RPL13: variants seen among roughly 807,000 people sequenced by gnomAD.
RPL13 encodes the protein large ribosomal subunit protein eL13.
Under a neutral mutation model 21.4 loss-of-function variants are expected in RPL13, and 1 was observed. That is an observed-to-expected ratio of 0.05 (90% CI 0.02 to 0.22). The LOEUF is 0.22. RPL13 is among the 10% of genes least tolerant of loss of function. The pLI is 1.00. For synonymous variants in RPL13, 143 were observed against 120.5 expected, an observed-to-expected ratio of 1.19 and a Z score of -1.23; for missense variants, 289 against 303.0, an observed-to-expected ratio of 0.95 and a Z score of 0.34.
At chr16:89,566,622 C>G (rs2058793548), downstream of RPL13, 1 of 151,688 alleles carries the variant, frequency 6.6e-6, no homozygotes, top group Admixed American at 6.6e-5. Context: ...CGAGATCGCT[C>G]CACTGTCCTC....
At chr16:89,562,607 T>A (rs895697645) in intron 5 of RPL13, 3 of 592,636 alleles carry the variant, frequency 5.1e-6, no homozygotes, top group Non-Finnish European at 5.8e-6. Context: ...TTTGTGTTTT[T>A]TTGTTGTTGT....
Position 89,562,884 on chromosome 16 carries a change from G to T in RPL13, c.478G>T (p.Val160Phe). 1 of 1,563,822 alleles carries T rather than the reference G, an allele frequency of 6.4e-7. No individual in the cohort carries two copies. The highest frequency in any genetic ancestry group is 8.6e-7 in the Non-Finnish European group (1 of 1,158,968). Residue 160 changes from valine to phenylalanine, a missense_variant and splice_region_variant, in exon 6 of 6, where the codon GTC becomes TTC. Val to Phe is a conservative substitution (Grantham distance 50). Transcript: ENST00000311528. ...TTAACAACCTGTCTTTCTCTTCTAG[G>T]TCTATAAGAAGGAGAAAGCTCGAGT... ...LTGPVMPVRN[V>F]YKKEKARVIT... is the part of the protein sequence containing the mutation.
At chr16:89,565,321 TG>T (rs2058778998), downstream of RPL13, 1 of 140,586 alleles carries the variant, frequency 7.1e-6, no homozygotes, top group African/African-American at 2.5e-5. Flanking sequence ...GGCTGCCTGC[TG>T]CCTGCTGCTC....
chr16:89,562,022 C>G, intron 4 of RPL13: 1 of 589,118 alleles, frequency 1.7e-6, no homozygotes, highest in Non-Finnish European at 3.0e-6. Context: ...CTAGAAAGAC[C>G]TTGTAGGATA....
At position 89,561,859 on chromosome 16, in the gene RPL13, C is replaced by T. The variant is rs906902162; in HGVS notation, c.420+108C>T. ...CTTGCTGGGGTGAGAAGAACCAAAA[C>T]ATTGTGGGTGATGAGCTAAGCGGGA... On this transcript the variant is annotated intron_variant, in intron 4 of 5. Coordinates refer to ENST00000311528, the MANE Select transcript of RPL13 (RefSeq NM_000977.4). 5 of 1,227,996 alleles carry T rather than the reference C, an allele frequency of 4.1e-6. No homozygotes were observed. In the African/African-American group the frequency reaches 4.5e-5, roughly 11 times the overall value. The allele number at this position is 1,227,996 out of a possible 1,614,324, so 76.1% of individuals were successfully genotyped here.
chr16:89,562,871 C>A lies in RPL13; in HGVS notation c.478-13C>A. ...GGTGCATGTGGGTTTAACAACCTGT[C>A]TTTCTCTTCTAGGTCTATAAGAAGG... On this transcript the variant is annotated splice_polypyrimidine_tract_variant and intron_variant, in intron 5 of 5. Coordinates refer to ENST00000311528, the MANE Select transcript of RPL13 (RefSeq NM_000977.4). The A allele has an allele frequency of 6.5e-7, 1 of 1,531,624 alleles. No homozygotes were observed. 94.9% of individuals were successfully genotyped at this position (1,531,624 alleles called of 1,614,324 possible).
At chr16:89,562,506 T>C in intron 5 of RPL13, 115 bp downstream of exon 5, 1 of 990,674 alleles carries the variant, frequency 1.0e-6, no homozygotes, top group Non-Finnish European at 1.5e-6. Flanking sequence ...GTGGCAGTTG[T>C]GGGTGTGGAG....
intron 4 of RPL13, chr16:89,562,049 C>T (rs2058748956): frequency 1.7e-6 from 1 of 587,372 alleles, no homozygotes; most frequent in South Asian, 2.2e-5. Context: ...ATAAAGAGTC[C>T]ATTGTATACG....
downstream of RPL13, chr16:89,566,237 C>CTCCTGCCCCGGTG (rs2058789478): frequency 6.6e-6 from 1 of 151,550 alleles, no homozygotes; most frequent in African/African-American, 2.4e-5. Flanking sequence ...AGGCGCTAGT[C>CTCCTGCCCCGGTG]ACGTGCCCCG....
Position 89,563,952 on chromosome 16 carries a change from T to C in RPL13, c.*910T>C, listed in dbSNP as rs2058764321. On this transcript the variant is annotated 3_prime_UTR_variant, in exon 6 of 6. Transcript: ENST00000311528. Reference sequence around the variant, plus strand: ...TTCTAAAGCCATTGTTCTTGCTTCATGGACAAGAGGCAGCCAGAGAGAGTG... The same window carrying C: ...TTCTAAAGCCATTGTTCTTGCTTCACGGACAAGAGGCAGCCAGAGAGAGTG... The C allele has an allele frequency of 2.0e-5, 3 of 152,240 alleles. No individual in the cohort carries two copies. Among genetic ancestry groups the C allele is most frequent in the Admixed American group, 1.3e-4 (2 of 15,284 alleles). 9.4% of individuals were successfully genotyped at this position (152,240 alleles called of 1,614,324 possible).
At chr16:89,566,042 C>CG (rs1555620059), downstream of RPL13, 1 of 152,230 alleles carries the variant, frequency 6.6e-6, no homozygotes, top group Non-Finnish European at 1.5e-5. Flanking sequence ...TTCAGCCTGT[C>CG]GCCCCCGGGG....
At chr16:89,561,161 C>G (rs903407054) in intron 2 of RPL13, 66 bp from the exon 3 acceptor site, 2 of 1,514,922 alleles carry the variant, frequency 1.3e-6, no homozygotes, top group Non-Finnish European at 1.8e-6. Flanking sequence ...CTGTCTGCAA[C>G]CGTCGCGGAG....
downstream of RPL13, chr16:89,565,031 C>T (rs2058774137): frequency 6.6e-6 from 1 of 152,274 alleles, no homozygotes; most frequent in Non-Finnish European, 1.5e-5. Flanking sequence ...CAGGTATCAT[C>T]TGTGCACCTG....
rs1597674119 is a variant in RPL13 at position 89,561,193 on chromosome 16, C to T, written c.105-34C>T. The T allele has an allele frequency of 3.3e-6, 5 of 1,528,446 alleles. No homozygotes were observed. In the East Asian group the frequency reaches 9.8e-5, roughly 30 times the overall value. The allele number at this position is 1,528,446 out of a possible 1,614,324, so 94.7% of individuals were successfully genotyped here. ...GGAGCGCTGGCCTGGCGGCCTTAGG[C>T]AAGGGTGACCGCCGCTGCGCTTCTC... On this transcript the variant is annotated intron_variant, in intron 2 of 5. Transcript: ENST00000311528.
chr16:89,563,167 G>C lies in RPL13; in HGVS notation c.*125G>C. Reference sequence around the variant, plus strand: ...TGACTTCCTCCTGCCAGGGGATTTGGGGCTTTCTTGAAAGACAGTCCAAGC... The same window carrying C: ...TGACTTCCTCCTGCCAGGGGATTTGCGGCTTTCTTGAAAGACAGTCCAAGC... On this transcript the variant is annotated 3_prime_UTR_variant, in exon 6 of 6. Transcript: ENST00000311528. 1 of 958,104 alleles carries C rather than the reference G, an allele frequency of 1.0e-6. No homozygotes were observed. The allele number at this position is 958,104 out of a possible 1,614,324, so 59.4% of individuals were successfully genotyped here. A position where few individuals can be genotyped will look rare whatever the true frequency, so the allele number is the denominator to read the frequency against.
At position 89,562,315 on chromosome 16, in the gene RPL13, C is replaced by T. The variant is rs373977264; in HGVS notation, c.421-20C>T. ...CAGCAGTGCGGCCAACCCCACTTAA[C>T]TCTTCTCATTCACCAACAGGCTGAA... On this transcript the variant is annotated intron_variant, in intron 4 of 5. Coordinates refer to ENST00000311528, the MANE Select transcript of RPL13 (RefSeq NM_000977.4). 1.1e-4 allele frequency: 177 copies of T among 1,613,132 alleles called. No individual in the cohort carries two copies. The highest frequency in any genetic ancestry group is 1.5e-4 in the Non-Finnish European group (173 of 1,179,948).
At position 89,563,092 on chromosome 16, in the gene RPL13, G is replaced by A. The variant is rs142800937; in HGVS notation, c.*50G>A. ...GTCGGCAGTCATGCTGGGTCTCCAC[G>A]TGGTGTGTTTCGTGGGAACAACTGG... On this transcript the variant is annotated 3_prime_UTR_variant, in exon 6 of 6. Transcript: ENST00000311528. 34 of 1,431,906 alleles carry A rather than the reference G, an allele frequency of 2.4e-5. No individual in the cohort carries two copies. Among genetic ancestry groups the A allele is most frequent in the Middle Eastern group, 1.9e-4 (1 of 5,404 alleles). 88.7% of individuals were successfully genotyped at this position (1,431,906 alleles called of 1,614,324 possible).
Position 89,561,159 on chromosome 16 carries a change from A to G in RPL13, c.105-68A>G, listed in dbSNP as rs377049048. On this transcript the variant is annotated intron_variant, in intron 2 of 5. Transcript: ENST00000311528. ...TGCCAGGGCGGGGGGCGCTGTCTGC[A>G]ACCGTCGCGGAGCGCTGGCCTGGCG... 2,115 of 1,515,774 alleles carry G rather than the reference A, an allele frequency of 1.4e-3. 29 individuals carry two copies. The African/African-American group carries it at 0.026, about 19-fold the overall frequency. 93.9% of individuals were successfully genotyped at this position (1,515,774 alleles called of 1,614,324 possible).
intron 4 of RPL13, 171 bp from the exon 5 acceptor site, chr16:89,562,164 C>A: frequency 1.5e-6 from 1 of 664,570 alleles, no homozygotes. Flanking sequence ...GATATAGTCA[C>A]CTAACTAATA....
Sources: gnomAD v4.1 joint callset for allele counts on GRCh38, gnomAD v4.1.1 for gene constraint, MANE v1.5 for transcripts, NCBI Gene and HGNC (gene_info 2026-07-23, HGNC 2026-07-21) for gene names.